Variants in IGF2BP1 observed in about 807,000 individuals in gnomAD.
IGF2BP1 encodes the protein insulin-like growth factor 2 mRNA-binding protein 1.
IGF2BP1 carries 11 observed loss-of-function variants against 74.9 expected under a neutral mutation model. The observed-to-expected ratio is 0.15, with a 90% CI of 0.09 to 0.24. IGF2BP1 has a LOEUF of 0.24. Ranked by LOEUF, IGF2BP1 falls within the 10% of genes least tolerant of loss-of-function variation. The pLI, the probability that IGF2BP1 is intolerant of heterozygous loss-of-function variation, is 1.00. For synonymous variants in IGF2BP1, 287 were observed against 281.8 expected (o/e 1.02, Z -0.18); for missense variants, 440 against 757.4 (o/e 0.58, Z 4.92).
chr17:49,049,129 ACACC>A (rs2042138225), intron 14 of IGF2BP1, among the ~76,000 whole-genome samples: 1 of 152,040 alleles, frequency 6.6e-6, no homozygotes, highest in Admixed American at 6.6e-5. Context: ...CTCCCACTTA[ACACC>A]CACCACGTTT....
intron 2 of IGF2BP1, among the ~76,000 whole-genome samples, chr17:49,021,219 TTC>T (rs1055968722): frequency 6.6e-6 from 1 of 151,938 alleles, no homozygotes; most frequent in African/African-American, 2.4e-5. Context: ...TCAGTGACAC[TTC>T]TCTGAACTCT....
chr17:49,053,923 A>T lies in IGF2BP1; in HGVS notation c.*4479A>T, dbSNP rs1567833124. 1 of 152,714 alleles carries T rather than the reference A, an allele frequency of 6.5e-6. No individual in the cohort carries two copies. The highest frequency in any genetic ancestry group is 2.1e-4 in the South Asian group (1 of 4,834). The allele number at this position is 152,714 out of a possible 1,614,324, so 9.5% of individuals were successfully genotyped here. ...TCTTGAAAACCAGTAGAAGGGAAAC[A>T]GCACAGCCTGTCACAGTAATTGCAG... On this transcript the variant is annotated 3_prime_UTR_variant, in exon 15 of 15. Transcript: ENST00000290341.
intron 1 of IGF2BP1, among the ~76,000 whole-genome samples, chr17:48,998,901 T>C (rs527566383): frequency 9.9e-5 from 15 of 151,988 alleles, no homozygotes; most frequent in Admixed American, 3.3e-4. Context: ...AAAGCAAAAA[T>C]TAAAAAATGA....
At chr17:49,000,421 C>T (rs1884837629) in intron 2 of IGF2BP1, among the ~76,000 whole-genome samples, 1 of 152,128 alleles carries the variant, frequency 6.6e-6, no homozygotes, top group Admixed American at 6.6e-5. Context: ...TGGCTTGTTA[C>T]TATGTTTATA....
rs2042210708 is a variant in IGF2BP1 at position 49,055,113 on chromosome 17, C to T, written c.*5669C>T. Reference sequence around the variant, plus strand: ...CTTTTTCCAAAGGAAAAAAATATTACCTTGAGAATACTTTCCAAAAAATAA... The same window carrying T: ...CTTTTTCCAAAGGAAAAAAATATTATCTTGAGAATACTTTCCAAAAAATAA... On this transcript the variant is annotated 3_prime_UTR_variant, in exon 15 of 15. Coordinates refer to ENST00000290341, the MANE Select transcript of IGF2BP1 (RefSeq NM_006546.4). 6.7e-6 allele frequency: 1 copy of T among 149,374 alleles called. No individual in the cohort carries two copies. The highest frequency in any genetic ancestry group is 2.1e-4 in the South Asian group (1 of 4,702). 9.3% of individuals were successfully genotyped at this position (149,374 alleles called of 1,614,324 possible). A position where few individuals can be genotyped will look rare whatever the true frequency, so the allele number is the denominator to read the frequency against.
intron 8 of IGF2BP1, 113 bp from the exon 9 acceptor site, chr17:49,042,129 A>C: frequency 7.2e-7 from 1 of 1,390,218 alleles, no homozygotes; most frequent in Non-Finnish European, 1.0e-6. Flanking sequence ...CCAGAAGTTG[A>C]ATAGGCTGCA....
chr17:49,026,297 C>T (rs1005276297), intron 3 of IGF2BP1, 169 bp from the exon 4 acceptor site: 3 of 587,778 alleles, frequency 5.1e-6, no homozygotes, highest in African/African-American at 1.9e-5. Context: ...CAAAGATACC[C>T]CATCAGCATT....
In IGF2BP1 at chr17:49,055,502, C is replaced by T; in HGVS notation, c.*6058C>T. The stretch of plus-strand genomic sequence containing the variant: ...TGTTTTGGGGATGCTTAAATCTTGA[C>T]TGGCACTTCCCGGCTGTGGGGGCTG... On this transcript the variant is annotated 3_prime_UTR_variant, in exon 15 of 15. Coordinates refer to ENST00000290341, the MANE Select transcript of IGF2BP1 (RefSeq NM_006546.4). 1 of 390,004 alleles carries T rather than the reference C, an allele frequency of 2.6e-6. No individual in the cohort carries two copies. The highest frequency in any genetic ancestry group is 4.5e-6 in the Non-Finnish European group (1 of 221,100). 24.2% of individuals were successfully genotyped at this position (390,004 alleles called of 1,614,324 possible). A position where few individuals can be genotyped will look rare whatever the true frequency, so the allele number is the denominator to read the frequency against.
chr17:49,042,154 G>A, intron 8 of IGF2BP1, 88 bp from the exon 9 acceptor site: 2 of 1,553,404 alleles, frequency 1.3e-6, no homozygotes, highest in Non-Finnish European at 8.8e-7. Context: ...TGGTGGGCCT[G>A]TGACTCAGCT....
chr17:49,048,300 T>C (rs1391586773), intron 14 of IGF2BP1, among the ~76,000 whole-genome samples: 1 of 151,528 alleles, frequency 6.6e-6, no homozygotes, highest in Non-Finnish European at 1.5e-5. Flanking sequence ...TTGTCCAGGG[T>C]GGAGTGCAGT....
chr17:49,014,940 CTCTG>C (rs1237318185), intron 2 of IGF2BP1: 3 of 985,112 alleles, frequency 3.0e-6, no homozygotes, highest in East Asian at 1.1e-4. Context: ...CAGAGCCCGA[CTCTG>C]TCTGTTTTCA....
At chr17:49,020,995 G>A (rs1055993564) in intron 2 of IGF2BP1, among the ~76,000 whole-genome samples, 1 of 149,346 alleles carries the variant, frequency 6.7e-6, no homozygotes. Flanking sequence ...AAAAATTGGA[G>A]CCAGGCGTGA....
intron 2 of IGF2BP1, among the ~76,000 whole-genome samples, chr17:49,020,570 G>A (rs2041779878): frequency 6.6e-6 from 1 of 152,124 alleles, no homozygotes; most frequent in Admixed American, 6.5e-5. Context: ...TCCCTATGCT[G>A]CCTTTTTGAT....
At chr17:49,032,584 G>A (rs1342502652) in intron 5 of IGF2BP1, among the ~76,000 whole-genome samples, 3 of 152,132 alleles carry the variant, frequency 2.0e-5, no homozygotes, top group South Asian at 2.1e-4. Flanking sequence ...ATCCGAGCCC[G>A]TTATAGGCTT....
At chr17:49,038,559 A>T in intron 6 of IGF2BP1, 110 bp downstream of exon 6, 1 of 1,175,350 alleles carries the variant, frequency 8.5e-7, no homozygotes, top group Non-Finnish European at 1.1e-6. Flanking sequence ...CCTTTTAGGA[A>T]ATGTTGCCTG....
chr17:49,040,630 T>C (rs953228827), intron 7 of IGF2BP1, among the ~76,000 whole-genome samples: 2 of 152,264 alleles, frequency 1.3e-5, no homozygotes, highest in Non-Finnish European at 1.5e-5. Flanking sequence ...TATTCACTTG[T>C]GCGTGTATGC....
At position 49,052,798 on chromosome 17, in the gene IGF2BP1, TAAAA is replaced by T. The variant is rs939255302; in HGVS notation, c.*3359_*3362del. 1.3e-5 allele frequency: 2 copies of T among 152,380 alleles called. No individual in the cohort carries two copies. The highest frequency in any genetic ancestry group is 6.5e-5 in the Admixed American group (1 of 15,268). The allele number at this position is 152,380 out of a possible 1,614,324, so 9.4% of individuals were successfully genotyped here. ...TTTGGATGATTTGAGAAGAGTGACT[TAAAA>T]AAAATGCTTCTGTGCTCTAAGATAT... On this transcript the variant is annotated 3_prime_UTR_variant, in exon 15 of 15. Transcript: ENST00000290341.
chr17:49,019,949 T>TAC (rs1567815908), intron 2 of IGF2BP1, among the ~76,000 whole-genome samples: 1 of 35,344 alleles, frequency 2.8e-5, no homozygotes, highest in African/African-American at 1.6e-4. Context: ...TATATATATA[T>TAC]TTATATACAC....
intron 2 of IGF2BP1, among the ~76,000 whole-genome samples, chr17:49,024,770 C>T (rs889804990): frequency 6.6e-6 from 1 of 152,214 alleles, no homozygotes; most frequent in Non-Finnish European, 1.5e-5. Flanking sequence ...TATATTATCT[C>T]ACCTAATAAA....
Sources: allele counts gnomAD v4.1 joint callset (sites outside exome capture counted in the v4.1 genomes callset), GRCh38; gene constraint gnomAD v4.1.1; transcripts MANE v1.5; gene names NCBI Gene and HGNC (gene_info 2026-07-23, HGNC 2026-07-21).